Variants in SYNE2 observed in about 807,000 individuals in gnomAD.
The protein encoded by SYNE2 is nesprin-2.
In SYNE2, 431 loss-of-function variants were observed where a neutral mutation model predicts 856.3. That is an observed-to-expected ratio of 0.50 (90% CI 0.47 to 0.55). The LOEUF (loss-of-function observed/expected upper bound fraction) is 0.55. Among genes scored for constraint, SYNE2 ranks in the 20% least tolerant of loss-of-function variants. SYNE2 has a pLI of 0.00. For missense variants in SYNE2, 8,129 were observed against 8,023.2 expected (o/e 1.01, Z -0.50); for synonymous variants, 2,923 against 2,872.3 (o/e 1.02, Z -0.56).
chr14:63,937,408 A>G (rs1428645019), intron 2 of SYNE2, among the ~76,000 whole-genome samples: 1 of 152,162 alleles, frequency 6.6e-6, no homozygotes, highest in African/African-American at 2.4e-5. Flanking sequence ...TAGGAACAGA[A>G]TGTTCTTGCG....
At chr14:64,063,134 C>G (rs993735235) in intron 50 of SYNE2, among the ~76,000 whole-genome samples, 4 of 152,204 alleles carry the variant, frequency 2.6e-5, no homozygotes, top group Non-Finnish European at 4.4e-5. Flanking sequence ...GCTTCTACCT[C>G]CCGGCTTCAA....
intron 1 of SYNE2, among the ~76,000 whole-genome samples, chr14:63,774,105 C>T (rs1274302657): frequency 1.3e-5 from 2 of 152,016 alleles, no homozygotes; most frequent in South Asian, 2.1e-4. Flanking sequence ...GAGGCTGAGG[C>T]GGGCAGATCA....
At position 64,221,673 on chromosome 14, in the gene SYNE2, G is replaced by A. The variant is rs558668242; in HGVS notation, c.20159G>A (p.Arg6720Gln). Residue 6720 changes from arginine (R) to glutamine (Q), a missense_variant, in exon 112 of 116, where the codon CGG becomes CAG. This residue lies in a region of SYNE2 where 5,410 missense variants were observed against 5,284.8 expected (regional missense o/e 1.02). Coordinates refer to ENST00000555002, the MANE Select transcript of SYNE2 (RefSeq NM_182914.3). The part of the protein sequence containing the change: ...AHVTDPKADP[R>Q]ALLECRRELM... Reference sequence around the variant, plus strand: ...GTCACCGATCCAAAGGCAGACCCCCGGGCTCTCCTAGAGTGTCGGAGGGAA... The same window carrying A: ...GTCACCGATCCAAAGGCAGACCCCCAGGCTCTCCTAGAGTGTCGGAGGGAA... 47 of 1,614,130 alleles carry A rather than the reference G, an allele frequency of 2.9e-5. No individual in the cohort carries two copies. The highest frequency in any genetic ancestry group is 2.1e-4 in the South Asian group (19 of 91,074).
intron 94 of SYNE2, among the ~76,000 whole-genome samples, chr14:64,174,178 T>C (rs2098423642): frequency 6.6e-6 from 1 of 152,104 alleles, no homozygotes; most frequent in African/African-American, 2.4e-5. Flanking sequence ...TTAAAGTGAT[T>C]CTTGGGACTC....
chr14:63,974,884 G>GTATATATATATA (rs1261730365), intron 11 of SYNE2, among the ~76,000 whole-genome samples: 37 of 27,238 alleles, frequency 1.4e-3, no homozygotes, highest in Non-Finnish European at 2.0e-3. Flanking sequence ...GTGTGTGTGT[G>GTATATATATATA]TGTGTGTGTA....
intron 1 of SYNE2, among the ~76,000 whole-genome samples, chr14:63,838,505 T>C (rs2139919393): frequency 1.3e-5 from 2 of 152,156 alleles, no homozygotes; most frequent in Middle Eastern, 3.4e-3. Flanking sequence ...TCCATGTACA[T>C]TATTTATGTA....
intron 8 of SYNE2, among the ~76,000 whole-genome samples, chr14:63,955,681 A>G (rs1225423132): frequency 6.6e-6 from 1 of 152,218 alleles, no homozygotes; most frequent in Non-Finnish European, 1.5e-5. Flanking sequence ...CTCCCAAACA[A>G]TGGGAAATGT....
At chr14:64,032,960 G>A (rs2097053121) in intron 45 of SYNE2, among the ~76,000 whole-genome samples, 1 of 152,154 alleles carries the variant, frequency 6.6e-6, no homozygotes, top group Non-Finnish European at 1.5e-5. Flanking sequence ...TTGAGCCCAG[G>A]AGTTTGAGAT....
In SYNE2 at chr14:64,002,852, C is replaced by G. The variant is rs1247348838; in HGVS notation, c.3919C>G (p.Gln1307Glu). 6.2e-7 allele frequency: 1 copy of G among 1,614,124 alleles called. No homozygotes were observed. The change falls in exon 30 of 116, where the codon CAA becomes GAA. Residue 1307 changes from glutamine to glutamate, a missense_variant. Around this residue, in one of 3 missense-constraint regions of SYNE2, gnomAD observed 2,422 missense variants for 2,357.4 expected, o/e 1.03. Transcript: ENST00000555002. ...MQNIILKYKT[Q>E]FEGMNHRVQR... ...GAATATTATACTGAAATACAAAACA[C>G]AATTTGAAGGAATGAACCACAGGGT...
rs1347951835 is a variant in SYNE2, at chr14:64,087,398, C to T, written c.11485-273C>T. 3 of 607,516 alleles carry T rather than the reference C, an allele frequency of 4.9e-6. No individual in the cohort carries two copies. The African/African-American group carries it at 5.5e-5, about 11-fold the overall frequency. The allele number at this position is 607,516 out of a possible 1,614,324, so 37.6% of individuals were successfully genotyped here. ...TTATTATGTATAATAAAAGACACTTCTCTCTCCCCTATTATTAAAGGATTC... is the reference window on the plus strand; with the variant it reads ...TTATTATGTATAATAAAAGACACTTTTCTCTCCCCTATTATTAAAGGATTC... On this transcript the variant is annotated intron_variant, in intron 57 of 115. Transcript: ENST00000555002.
At chr14:63,918,555 G>A (rs1372097983) in intron 2 of SYNE2, among the ~76,000 whole-genome samples, 1 of 152,230 alleles carries the variant, frequency 6.6e-6, no homozygotes, top group Non-Finnish European at 1.5e-5. Flanking sequence ...TTGGGAGAGA[G>A]ACGTCAGATG....
chr14:64,204,979 TCTG>T (rs1174199465), intron 100 of SYNE2, among the ~76,000 whole-genome samples: 2 of 152,172 alleles, frequency 1.3e-5, no homozygotes, highest in Non-Finnish European at 2.9e-5. Context: ...TGCGCCTTCT[TCTG>T]CCTTCAACGC....
chr14:64,120,192 A>C (rs2097887639), intron 67 of SYNE2, among the ~76,000 whole-genome samples: 1 of 152,248 alleles, frequency 6.6e-6, no homozygotes, highest in Non-Finnish European at 1.5e-5. Context: ...TTATGTTCAC[A>C]GAAATAAGAC....
intron 27 of SYNE2, among the ~76,000 whole-genome samples, chr14:63,999,770 C>T (rs1215125610): frequency 6.6e-6 from 1 of 152,220 alleles, no homozygotes; most frequent in Non-Finnish European, 1.5e-5. Flanking sequence ...ATAGGTAGTT[C>T]CTACAACATC....
At chr14:64,149,918 GTAT>G (rs1223381793) in intron 84 of SYNE2, among the ~76,000 whole-genome samples, 3 of 150,908 alleles carry the variant, frequency 2.0e-5, no homozygotes, top group Admixed American at 6.6e-5. Context: ...GGCTAAATCC[GTAT>G]TATTCTGCAG....
chr14:64,220,076 C>T (rs2098687616), intron 110 of SYNE2, among the ~76,000 whole-genome samples: 1 of 152,154 alleles, frequency 6.6e-6, no homozygotes, highest in Non-Finnish European at 1.5e-5. Flanking sequence ...ACCATTCCTC[C>T]TAAGGAATAA....
At chr14:63,994,853 G>GAA (rs149383701) in intron 22 of SYNE2, among the ~76,000 whole-genome samples, 191 bp from the exon 23 acceptor site, 1 of 150,126 alleles carries the variant, frequency 6.7e-6, no homozygotes, top group African/African-American at 2.4e-5. Context: ...TTATTTGTTA[G>GAA]AAAAAAAAAC....
intron 23 of SYNE2, among the ~76,000 whole-genome samples, chr14:63,995,836 T>C (rs563336295): frequency 5.9e-5 from 9 of 152,248 alleles, no homozygotes; most frequent in African/African-American, 1.9e-4. Context: ...AGTGAGTACT[T>C]TTTAGTGTCT....
intron 1 of SYNE2, among the ~76,000 whole-genome samples, chr14:63,784,103 A>C (rs1001255362): frequency 2.0e-5 from 3 of 152,224 alleles, no homozygotes; most frequent in Non-Finnish European, 4.4e-5. Flanking sequence ...GTCATAGAGA[A>C]TGATGAAGCA....
Sources: allele counts gnomAD v4.1 joint callset (sites outside exome capture counted in the v4.1 genomes callset), GRCh38; gene constraint gnomAD v4.1.1; regional missense constraint gnomAD v4.1.1; transcripts MANE v1.5; gene names NCBI Gene and HGNC (gene_info 2026-07-23, HGNC 2026-07-21).